The following CCDC175 variants were observed in gnomAD, a reference collection of about 807,000 sequenced individuals.
CCDC175 encodes the protein coiled-coil domain containing 175.
In CCDC175, 100 loss-of-function variants were observed where a neutral mutation model predicts 114.6. The ratio of observed to expected loss-of-function variants is 0.87; its 90% CI spans 0.74 to 1.03. The LOEUF is 1.03. CCDC175 is among the 50% of genes least tolerant of loss of function. The pLI is 0.00. For synonymous variants in CCDC175, 306 were observed against 308.7 expected (o/e 0.99, Z 0.09); for missense variants, 880 against 917.8 (o/e 0.96, Z 0.53).
At chr14:59,507,134 G>A (rs981995291) in intron 19 of CCDC175, among the ~76,000 whole-genome samples, 5 of 152,166 alleles carry the variant, frequency 3.3e-5, no homozygotes, top group African/African-American at 1.2e-4. Context: ...GAAGAAGTCT[G>A]GCCTTTAATG....
chr14:59,541,636 G>C (rs1894796556), intron 10 of CCDC175, among the ~76,000 whole-genome samples: 1 of 152,066 alleles, frequency 6.6e-6, no homozygotes, highest in East Asian at 1.9e-4. Flanking sequence ...GGATCTCTAA[G>C]GGTCTTCACA....
intron 16 of CCDC175, among the ~76,000 whole-genome samples, chr14:59,523,320 G>C (rs1294394059): frequency 6.6e-6 from 1 of 152,046 alleles, no homozygotes; most frequent in East Asian, 1.9e-4. Flanking sequence ...TACCTATTAT[G>C]CCATTTTAGT....
chr14:59,526,834 T>A (rs574186184), intron 15 of CCDC175, among the ~76,000 whole-genome samples: 11 of 152,294 alleles, frequency 7.2e-5, no homozygotes, highest in Non-Finnish European at 1.5e-4. Flanking sequence ...TTGGTTCTAG[T>A]CTCTCTCCCT....
Position 59,568,366 on chromosome 14 carries a change from C to T in CCDC175, c.370G>A (p.Ala124Thr), listed in dbSNP as rs754735372. 43 of 1,516,880 alleles carry T rather than the reference C, an allele frequency of 2.8e-5. No individual in the cohort carries two copies. Among genetic ancestry groups the T allele is most frequent in the East Asian group, 7.5e-5 (3 of 39,980 alleles). 94.0% of individuals were successfully genotyped at this position (1,516,880 alleles called of 1,614,324 possible). A position where few individuals can be genotyped will look rare whatever the true frequency, so the allele number is the denominator to read the frequency against. ...KRELEECVRD[A>T]RRLNLFEINT... The stretch of plus-strand genomic sequence containing the variant: ...ATCTCAAAAAGATTTAATCTGCGAG[C>T]GTCTCGGACACATTCTTCAAAGTAA... The change falls in exon 4 of 20, where the codon GCT becomes ACT. Residue 124 changes from alanine to threonine, a missense_variant. Coordinates refer to ENST00000537690, the MANE Select transcript of CCDC175 (RefSeq NM_001164399.2).
intron 16 of CCDC175, among the ~76,000 whole-genome samples, chr14:59,524,756 T>C (rs955369193): frequency 4.6e-5 from 7 of 152,172 alleles, no homozygotes; most frequent in Non-Finnish European, 1.0e-4. Flanking sequence ...CAAAAAAACA[T>C]GAACTAGAAT....
In CCDC175 at chr14:59,510,712, A is replaced by G. The variant is rs373104649; in HGVS notation, c.2239T>C (p.Trp747Arg). Residue 747 changes from tryptophan to arginine, a missense_variant, in exon 19 of 20, where the codon TGG becomes CGG. Transcript: ENST00000537690. ...RDEKMQHVST[W>R]LRGSLEGLRL... is the part of the protein sequence containing the mutation. Reference sequence around the variant, plus strand: ...AGCCCTTCAAGACTCCCTCGTAGCCATGTACTGACATGCTGCATTTTTTCA... The same window carrying G: ...AGCCCTTCAAGACTCCCTCGTAGCCGTGTACTGACATGCTGCATTTTTTCA... The G allele has an allele frequency of 5.2e-6, 8 of 1,537,296 alleles. No individual in the cohort carries two copies. Among genetic ancestry groups the G allele is most frequent in the Non-Finnish European group, 7.0e-6 (8 of 1,146,894 alleles).
chr14:59,563,605 G>T, intron 6 of CCDC175, 132 bp downstream of exon 6: 1 of 507,200 alleles, frequency 2.0e-6, no homozygotes, highest in Non-Finnish European at 3.0e-6. Flanking sequence ...ACGCTTTAAA[G>T]AAAGTGTCAG....
intron 6 of CCDC175, among the ~76,000 whole-genome samples, chr14:59,561,429 AC>A (rs1896222708): frequency 6.6e-6 from 1 of 152,192 alleles, no homozygotes; most frequent in Non-Finnish European, 1.5e-5. Flanking sequence ...TCAGAAAAAA[AC>A]AAAATTTAGA....
At chr14:59,542,455 C>T (rs186087726) in intron 10 of CCDC175, among the ~76,000 whole-genome samples, 2 of 150,938 alleles carry the variant, frequency 1.3e-5, no homozygotes, top group East Asian at 3.9e-4. Context: ...TCCAGCACTT[C>T]AACTTTTAGG....
intron 3 of CCDC175, among the ~76,000 whole-genome samples, chr14:59,571,006 G>C (rs28613598): frequency 0.32 from 48,482 of 151,970 alleles, 8,230 homozygotes; most frequent in African/African-American, 0.43. Flanking sequence ...CTCCCAAAGT[G>C]CTGGGATTAC....
In CCDC175 at chr14:59,518,620, A is replaced by G. The variant is rs563965944; in HGVS notation, c.2098+2954T>C. 9.8e-5 allele frequency among the ~76,000 whole-genome samples: 15 copies of G among 152,368 alleles called. No homozygotes were observed. The East Asian group carries it at 2.5e-3, about 25-fold the overall frequency. Reference sequence around the variant, plus strand: ...ATGCAAATCAAAACCACAATGAGATACCATCTCACACCAGTTAGAATGGCA... The same window carrying G: ...ATGCAAATCAAAACCACAATGAGATGCCATCTCACACCAGTTAGAATGGCA... On this transcript the variant is annotated intron_variant, in intron 17 of 19. Transcript: ENST00000537690.
intron 13 of CCDC175, among the ~76,000 whole-genome samples, chr14:59,532,737 C>T (rs1894143297): frequency 6.6e-6 from 1 of 152,184 alleles, no homozygotes; most frequent in South Asian, 2.1e-4. Flanking sequence ...GAAGCTACTC[C>T]TTGACGCACA....
At chr14:59,557,367 CA>C (rs1204715002) in intron 7 of CCDC175, among the ~76,000 whole-genome samples, 1 of 146,454 alleles carries the variant, frequency 6.8e-6, no homozygotes. Context: ...ATCGCAAGGA[CA>C]AAAAACCAAA....
At chr14:59,559,635 T>G (rs1896117269) in intron 7 of CCDC175, among the ~76,000 whole-genome samples, 1 of 152,152 alleles carries the variant, frequency 6.6e-6, no homozygotes, top group Non-Finnish European at 1.5e-5. Flanking sequence ...AAGCGGGAAC[T>G]AGGTTGCCTC....
chr14:59,510,748 G>T lies in CCDC175; in HGVS notation c.2203C>A (p.Arg735Ser). Residue 735 changes from arginine (R) to serine (S), a missense_variant, in exon 19 of 20, where the codon CGT becomes AGT. Arg to Ser is a moderately radical substitution (Grantham distance 110). Transcript: ENST00000537690. ...TGCTGCATTTTTTCATCTCTTTCAC[G>T]CAGCTTGTCTGTTAGATTGTTTATG... ...QDINNLTDKL[R>S]ERDEKMQHVS... is the part of the protein sequence containing the mutation. 1 of 1,537,072 alleles carries T rather than the reference G, an allele frequency of 6.5e-7. No homozygotes were observed. The highest frequency in any genetic ancestry group is 8.7e-7 in the Non-Finnish European group (1 of 1,146,834).
chr14:59,569,819 G>C (rs1010173825), intron 3 of CCDC175, among the ~76,000 whole-genome samples: 1 of 152,186 alleles, frequency 6.6e-6, no homozygotes, highest in African/African-American at 2.4e-5. Flanking sequence ...GAGGATTAGA[G>C]TAATTAGAGT....
intron 9 of CCDC175, among the ~76,000 whole-genome samples, chr14:59,544,477 A>T (rs2140049037): frequency 6.6e-6 from 1 of 152,248 alleles, no homozygotes; most frequent in Admixed American, 6.5e-5. Context: ...ATCAGAAAGT[A>T]TTTTATCTAA....
intron 17 of CCDC175, among the ~76,000 whole-genome samples, chr14:59,514,276 A>C (rs745876043): frequency 2.2e-4 from 33 of 152,358 alleles, no homozygotes; most frequent in Non-Finnish European, 3.5e-4. Flanking sequence ...CCTCCAAAGG[A>C]ACGCAGCTCC....
chr14:59,556,419 T>C (rs1895906875), intron 7 of CCDC175, among the ~76,000 whole-genome samples: 1 of 152,236 alleles, frequency 6.6e-6, no homozygotes, highest in African/African-American at 2.4e-5. Context: ...TGTAGAAAGC[T>C]GAAACTGGAT....
Sources: gnomAD v4.1 joint callset for allele counts (sites outside exome capture counted in the v4.1 genomes callset) on GRCh38, gnomAD v4.1.1 for gene constraint, MANE v1.5 for transcripts, NCBI Gene and HGNC (gene_info 2026-07-23, HGNC 2026-07-21) for gene names.